Variants in MALL observed in about 807,000 individuals in gnomAD.
MALL encodes the protein MAL-like protein.
MALL carries 2 observed loss-of-function variants against 10.3 expected under a neutral mutation model. That is an observed-to-expected ratio of 0.19 (90% CI 0.08 to 0.61). MALL has a LOEUF of 0.61. MALL is among the 20% of genes least tolerant of loss of function. The probability of loss-of-function intolerance (pLI) is 0.88; values close to 1 mark genes in which losing one functional copy is unlikely to be tolerated. For synonymous variants in MALL, 27 were observed against 51.8 expected, an observed-to-expected ratio of 0.52 and a Z score of 2.05; for missense variants, 39 against 115.2, an observed-to-expected ratio of 0.34 and a Z score of 3.03.
intron 1 of MALL, among the ~76,000 whole-genome samples, chr2:110,097,927 TG>T (rs1267004812): frequency 4.6e-5 from 7 of 152,150 alleles, no homozygotes; most frequent in Middle Eastern, 3.4e-3. Context: ...AACTTCAGGC[TG>T]AGAGAAAAAG....
chr2:110,114,465 G>T (rs753647871), intron 1 of MALL, among the ~76,000 whole-genome samples: 14 of 151,910 alleles, frequency 9.2e-5, no homozygotes, highest in Non-Finnish European at 1.9e-4. Flanking sequence ...AAGGTGAGGG[G>T]CACACCCAGG....
chr2:110,118,071 T>C (rs1455569978), upstream of MALL, among the ~76,000 whole-genome samples: 1 of 143,332 alleles, frequency 7.0e-6, no homozygotes, highest in Admixed American at 7.0e-5. Flanking sequence ...TTCCTGCTCC[T>C]TTTTTTTTTT....
At chr2:110,104,087 C>T (rs1678635384) in intron 1 of MALL, among the ~76,000 whole-genome samples, 1 of 152,144 alleles carries the variant, frequency 6.6e-6, no homozygotes, top group African/African-American at 2.4e-5. Context: ...TCCCAGTGCC[C>T]TTTCTTTAGG....
chr2:110,092,685 C>A (rs1192881568), intron 1 of MALL, among the ~76,000 whole-genome samples: 1 of 112,968 alleles, frequency 8.9e-6, no homozygotes, highest in African/African-American at 3.1e-5. Flanking sequence ...TGCACATGTA[C>A]CCTAAAACTT....
At chr2:110,103,053 T>A (rs1257749967) in intron 1 of MALL, among the ~76,000 whole-genome samples, 1 of 152,122 alleles carries the variant, frequency 6.6e-6, no homozygotes, top group Admixed American at 6.5e-5. Flanking sequence ...AATCCAGTCT[T>A]CTTTGAAAGA....
chr2:110,115,565 G>T (rs1422928978), intron 1 of MALL, 123 bp downstream of exon 1: 9 of 454,070 alleles, frequency 2.0e-5, no homozygotes, highest in Non-Finnish European at 2.8e-5. Context: ...TGGCCCCTGT[G>T]CTTGCTGCCC....
At chr2:110,100,623 T>G (rs1165843572) in intron 1 of MALL, among the ~76,000 whole-genome samples, 1 of 152,138 alleles carries the variant, frequency 6.6e-6, no homozygotes, top group East Asian at 1.9e-4. Context: ...GCGATGGAAA[T>G]CTCTCCCTTT....
upstream of MALL, among the ~76,000 whole-genome samples, chr2:110,117,152 C>A (rs938066960): frequency 6.6e-6 from 1 of 152,088 alleles, no homozygotes; most frequent in Non-Finnish European, 1.5e-5. Context: ...GTAAGGGAGA[C>A]CCTAATCCCA....
In MALL at chr2:110,115,769, G is replaced by A; in HGVS notation, c.24C>T (p.Ala8=). 7.8e-7 allele frequency: 1 copy of A among 1,280,828 alleles called. No homozygotes were observed. Among genetic ancestry groups the A allele is most frequent in the Admixed American group, 3.6e-5 (1 of 27,980 alleles). The allele number at this position is 1,280,828 out of a possible 1,614,324, so 79.3% of individuals were successfully genotyped here. The part of the protein sequence containing the change: MASPDPP[A]TSYAPSDVPS... ...GCACGTCGGACGGGGCGTAGCTGGTGGCGGGCGGGTCGGGCGAGGCCATGC... is the reference window on the plus strand; with the variant it reads ...GCACGTCGGACGGGGCGTAGCTGGTAGCGGGCGGGTCGGGCGAGGCCATGC... Residue 8 remains alanine, a synonymous_variant, in exon 1 of 4, where the codon GCC becomes GCT. Coordinates refer to ENST00000272462, the MANE Select transcript of MALL (RefSeq NM_005434.5).
intron 1 of MALL, among the ~76,000 whole-genome samples, chr2:110,095,074 G>A (rs1412610372): frequency 6.7e-6 from 1 of 149,858 alleles, no homozygotes; most frequent in African/African-American, 2.5e-5. Flanking sequence ...AACAGGAGGA[G>A]GGACCAGAGC....
At chr2:110,108,076 CA>C (rs1678731183) in intron 1 of MALL, among the ~76,000 whole-genome samples, 1 of 152,096 alleles carries the variant, frequency 6.6e-6, no homozygotes, top group Non-Finnish European at 1.5e-5. Context: ...AGAGCCTATG[CA>C]AATGAGAAGG....
chr2:110,115,644 C>A (rs529019979), intron 1 of MALL, 44 bp downstream of exon 1: 2 of 1,138,362 alleles, frequency 1.8e-6, no homozygotes, highest in Non-Finnish European at 2.3e-6. Context: ...CCGGTCTCCC[C>A]CTCCCTCTCT....
At chr2:110,092,481 TA>T (rs1240082394) in intron 1 of MALL, among the ~76,000 whole-genome samples, 2 of 54,444 alleles carry the variant, frequency 3.7e-5, no homozygotes, top group African/African-American at 9.4e-5. Flanking sequence ...TGGACTGCCA[TA>T]AACATTGCAA....
intron 1 of MALL, among the ~76,000 whole-genome samples, chr2:110,115,411 C>T (rs1218071031): frequency 6.6e-6 from 1 of 151,886 alleles, no homozygotes; most frequent in Non-Finnish European, 1.5e-5. Flanking sequence ...CTCTTGAGTA[C>T]AGCTGCGCCC....
rs1181142792 is a variant in MALL, at chr2:110,102,020, C to G, written c.106-10250G>C. ...CCCTGGCCCCCTGCCCCAGTGTCCT[C>G]TTTCTCACTCTCCCTGTACATTGAT... On this transcript the variant is annotated intron_variant, in intron 1 of 3. Transcript: ENST00000272462. 6.6e-5 allele frequency among the ~76,000 whole-genome samples: 10 copies of G among 152,126 alleles called. No homozygotes were observed. In the East Asian group the frequency reaches 1.7e-3, roughly 26 times the overall value.
chr2:110,106,915 G>T (rs1678708509), intron 1 of MALL, among the ~76,000 whole-genome samples: 1 of 152,218 alleles, frequency 6.6e-6, no homozygotes, highest in African/African-American at 2.4e-5. Flanking sequence ...ATAGGCCACA[G>T]CTTGGATGGT....
upstream of MALL, among the ~76,000 whole-genome samples, chr2:110,117,385 T>A (rs995484229): frequency 2.6e-5 from 4 of 152,106 alleles, no homozygotes; most frequent in African/African-American, 9.7e-5. Flanking sequence ...TAGGCTCATA[T>A]CTATGAAATG....
intron 1 of MALL, among the ~76,000 whole-genome samples, chr2:110,097,803 G>A (rs1203745990): frequency 2.6e-5 from 4 of 152,078 alleles, no homozygotes; most frequent in African/African-American, 4.8e-5. Flanking sequence ...CAGGTTTCAC[G>A]TACTGCCAAC....
At chr2:110,098,492 C>T (rs879510891) in intron 1 of MALL, among the ~76,000 whole-genome samples, 18 of 152,174 alleles carry the variant, frequency 1.2e-4, no homozygotes, top group Admixed American at 1.0e-3. Flanking sequence ...CTGCCCTTCT[C>T]GCTTAGCATA....
Sources: allele counts gnomAD v4.1 joint callset (sites outside exome capture counted in the v4.1 genomes callset), GRCh38; gene constraint gnomAD v4.1.1; transcripts MANE v1.5; gene names NCBI Gene and HGNC (gene_info 2026-07-23, HGNC 2026-07-21).